Variants in RAB27B observed in about 807,000 individuals in gnomAD.
RAB27B encodes the protein ras-related protein Rab-27B.
In RAB27B, 15 loss-of-function variants were observed where a neutral mutation model predicts 24.6. That is an observed-to-expected ratio of 0.61 (90% CI 0.41 to 0.94). RAB27B has a LOEUF of 0.94. Among genes scored for constraint, RAB27B ranks in the 40% least tolerant of loss-of-function variants. The probability of loss-of-function intolerance (pLI) is 0.00; values close to 1 mark genes in which losing one functional copy is unlikely to be tolerated. For synonymous variants in RAB27B, 105 were observed against 92.5 expected (o/e 1.14, Z -0.78); for missense variants, 261 against 266.8 (o/e 0.98, Z 0.15).
chr18:54,761,256 G>A (rs1174278145), intron 2 of RAB27B, among the ~76,000 whole-genome samples: 1 of 152,034 alleles, frequency 6.6e-6, no homozygotes, highest in Non-Finnish European at 1.5e-5. Flanking sequence ...TTTCCTTTTA[G>A]ATAGGTGAGA....
At chr18:54,822,149 T>A (rs1289936153) in intron 2 of RAB27B, among the ~76,000 whole-genome samples, 2 of 152,226 alleles carry the variant, frequency 1.3e-5, no homozygotes, top group African/African-American at 2.4e-5. Flanking sequence ...GAGATAGTTA[T>A]CTTAACATTG....
At chr18:54,859,721 G>A (rs191687342) in intron 1 of RAB27B, among the ~76,000 whole-genome samples, 33 of 152,152 alleles carry the variant, frequency 2.2e-4, no homozygotes, top group African/African-American at 7.5e-4. Context: ...AGTGAAACTC[G>A]ACAAAGACAA....
intron 2 of RAB27B, among the ~76,000 whole-genome samples, chr18:54,788,500 A>G (rs572538883): frequency 1.1e-4 from 16 of 152,190 alleles, no homozygotes; most frequent in African/African-American, 2.9e-4. Context: ...ATGGGGTTTC[A>G]CCATGTTGGC....
chr18:54,776,728 AG>A (rs1908726444), intron 2 of RAB27B, among the ~76,000 whole-genome samples: 1 of 152,214 alleles, frequency 6.6e-6, no homozygotes, highest in South Asian at 2.1e-4. Context: ...GACTATCTCC[AG>A]CACCATGTCA....
Position 54,877,852 on chromosome 18 carries a change from C to A in RAB27B, c.153+114C>A, listed in dbSNP as rs1267217910. On this transcript the variant is annotated intron_variant, in intron 2 of 5. Coordinates refer to ENST00000262094, the MANE Select transcript of RAB27B (RefSeq NM_004163.4). ...GTCTTTTGTCACACGAAATTCATAA[C>A]CTGTCATTTTAATTTATTTTAGAAT... The A allele has an allele frequency of 3.7e-6, 4 of 1,078,576 alleles. No homozygotes were observed. The South Asian group carries it at 7.5e-5, about 20-fold the overall frequency. 66.8% of individuals were successfully genotyped at this position (1,078,576 alleles called of 1,614,324 possible).
intron 2 of RAB27B, among the ~76,000 whole-genome samples, chr18:54,740,646 G>C (rs1435273786): frequency 6.6e-6 from 1 of 152,180 alleles, no homozygotes; most frequent in Non-Finnish European, 1.5e-5. Flanking sequence ...GGCACAGTGA[G>C]AGCTTTCTAA....
At chr18:54,839,148 A>C (rs767109919) in intron 1 of RAB27B, among the ~76,000 whole-genome samples, 1 of 152,132 alleles carries the variant, frequency 6.6e-6, no homozygotes, top group Non-Finnish European at 1.5e-5. Flanking sequence ...TTGATGTTAA[A>C]CCCTTGACTA....
intron 2 of RAB27B, among the ~76,000 whole-genome samples, chr18:54,764,657 A>G (rs1908302551): frequency 6.6e-6 from 1 of 152,030 alleles, no homozygotes; most frequent in Non-Finnish European, 1.5e-5. Context: ...TCTCTCTTAG[A>G]ATTTTCCTTT....
At chr18:54,722,892 C>T (rs1909404544) in intron 2 of RAB27B, among the ~76,000 whole-genome samples, 2 of 152,144 alleles carry the variant, frequency 1.3e-5, no homozygotes, top group South Asian at 4.1e-4. Flanking sequence ...CAAAGGAAAA[C>T]CTTCCTCCTG....
intron 1 of RAB27B, among the ~76,000 whole-genome samples, chr18:54,841,136 G>A (rs1423759685): frequency 7.5e-6 from 1 of 133,428 alleles, no homozygotes; most frequent in Admixed American, 8.9e-5. Flanking sequence ...AACAGAGAAA[G>A]ACTCTGTCTT....
Position 54,891,632 on chromosome 18 carries a change from T to G in RAB27B, c.*2219T>G, listed in dbSNP as rs1749881862. ...AGGGAATGTGAAACCTTTATAAAACTCTAAAAGTATTCTGTTTTGATATGT... is the reference window on the plus strand; with the variant it reads ...AGGGAATGTGAAACCTTTATAAAACGCTAAAAGTATTCTGTTTTGATATGT... On this transcript the variant is annotated 3_prime_UTR_variant, in exon 6 of 6. Coordinates refer to ENST00000262094, the MANE Select transcript of RAB27B (RefSeq NM_004163.4). 1 of 152,110 alleles carries G rather than the reference T, an allele frequency of 6.6e-6. No individual in the cohort carries two copies. Among genetic ancestry groups the G allele is most frequent in the African/African-American group, 2.4e-5 (1 of 41,434 alleles). The allele number at this position is 152,110 out of a possible 1,614,324, so 9.4% of individuals were successfully genotyped here.
chr18:54,778,552 CCAGA>C (rs1908788254), intron 2 of RAB27B, among the ~76,000 whole-genome samples: 2 of 152,264 alleles, frequency 1.3e-5, no homozygotes, highest in East Asian at 3.9e-4. Context: ...CTGCTTTGTG[CCAGA>C]CAATTTGCTT....
intron 1 of RAB27B, among the ~76,000 whole-genome samples, chr18:54,865,234 C>T (rs1912165410): frequency 1.3e-5 from 1 of 75,440 alleles, no homozygotes; most frequent in African/African-American, 4.9e-5. Flanking sequence ...CTGCAATGGC[C>T]TTTTGTGTGT....
At position 54,797,391 on chromosome 18, in the gene RAB27B, T is replaced by G. The variant is rs1377327535; in HGVS notation, c.-20+79250T>G. Among the ~76,000 whole-genome samples the G allele has an allele frequency of 2.0e-5, 3 of 152,080 alleles. No individual in the cohort carries two copies. The East Asian group carries it at 5.8e-4, about 29-fold the overall frequency. On this transcript the variant is annotated intron_variant, in intron 2 of 4. Coordinates refer to the RAB27B transcript ENST00000586570. ...AATACAAAAAATTAGCCAGGTGTGGTGGTATGTGCCTGTAGTCCCAGCTAC... is the reference window on the plus strand; with the variant it reads ...AATACAAAAAATTAGCCAGGTGTGGGGGTATGTGCCTGTAGTCCCAGCTAC...
chr18:54,817,945 G>C (rs1200367651), intron 2 of RAB27B, among the ~76,000 whole-genome samples: 1 of 152,040 alleles, frequency 6.6e-6, no homozygotes, highest in African/African-American at 2.4e-5. Context: ...TAGGAAGGGA[G>C]GAAACGGCAA....
rs553716004 is a variant in RAB27B at position 54,791,763 on chromosome 18, A to G, written c.-20+73622A>G. Among the ~76,000 whole-genome samples the G allele has an allele frequency of 3.4e-4, 52 of 152,356 alleles. 1 individual carries two copies. The South Asian group carries it at 9.9e-3, about 29-fold the overall frequency. On this transcript the variant is annotated intron_variant, in intron 2 of 4. Coordinates refer to the RAB27B transcript ENST00000586570. Reference sequence around the variant, plus strand: ...GGCCAGACGTCAAGAGGAGCATATCAGCAGACAAAGACACAAGCAGCTGGA... The same window carrying G: ...GGCCAGACGTCAAGAGGAGCATATCGGCAGACAAAGACACAAGCAGCTGGA...
At chr18:54,795,808 A>G (rs1008646939) in intron 2 of RAB27B, among the ~76,000 whole-genome samples, 1 of 152,210 alleles carries the variant, frequency 6.6e-6, no homozygotes, top group Non-Finnish European at 1.5e-5. Flanking sequence ...GGCATGAGGT[A>G]AAAGCTTAAA....
In RAB27B at chr18:54,889,511, T is replaced by C. The variant is rs946918656; in HGVS notation, c.*98T>C. The C allele has an allele frequency of 7.8e-5, 84 of 1,074,246 alleles. No individual in the cohort carries two copies. The East Asian group carries it at 2.1e-3, about 27-fold the overall frequency. 66.5% of individuals were successfully genotyped at this position (1,074,246 alleles called of 1,614,324 possible). On this transcript the variant is annotated 3_prime_UTR_variant, in exon 6 of 6. Transcript: ENST00000262094. ...TTGTTGTTGAGTAAACCACGCACAA[T>C]GGCATGTCTTTCTTTTTCTGCCAGA...
At chr18:54,756,218 C>G (rs1043032720) in intron 2 of RAB27B, among the ~76,000 whole-genome samples, 1 of 152,228 alleles carries the variant, frequency 6.6e-6, no homozygotes, top group Middle Eastern at 3.4e-3. Context: ...GAAGGAATTA[C>G]CCAAAAGTTT....
Sources: gnomAD v4.1 joint callset for allele counts (sites outside exome capture counted in the v4.1 genomes callset) on GRCh38, gnomAD v4.1.1 for gene constraint, MANE v1.5 for transcripts, NCBI Gene and HGNC (gene_info 2026-07-23, HGNC 2026-07-21) for gene names.